The following ANO7 variants were observed in gnomAD, a reference collection of about 807,000 sequenced individuals.
ANO7 encodes anoctamin-7.
Under a neutral mutation model 115.8 loss-of-function variants are expected in ANO7, and 114 were observed. The ratio of observed to expected loss-of-function variants is 0.98; its 90% CI spans 0.85 to 1.15. ANO7 has a LOEUF of 1.15. Among genes scored for constraint, ANO7 ranks in the 50% most tolerant of loss-of-function variants. The pLI, the probability that ANO7 is intolerant of heterozygous loss-of-function variation, is 0.00. For synonymous variants in ANO7, 550 were observed against 498.2 expected, an observed-to-expected ratio of 1.10 and a Z score of -1.38; for missense variants, 1,302 against 1,201.2, an observed-to-expected ratio of 1.08 and a Z score of -1.24.
rs971603955 is a variant in ANO7, at chr2:241,218,962, C to G, written c.2321+581C>G. On this transcript the variant is annotated intron_variant, in intron 21 of 24. Coordinates refer to ENST00000674324, the MANE Select transcript of ANO7 (RefSeq NM_001370694.2). ...TTAATATTATTGTTATTTTAACCGC[C>G]AGGGCCAGGTGGTGGCGCCAAGGTC... Among the ~76,000 whole-genome samples the G allele has an allele frequency of 1.6e-4, 25 of 152,350 alleles. 1 individual carries two copies. The South Asian group carries it at 5.0e-3, about 30-fold the overall frequency.
downstream of ANO7, chr2:241,229,812 G>A (rs1320102841): frequency 6.9e-7 from 1 of 1,450,128 alleles, no homozygotes. Flanking sequence ...GGACCCAGGA[G>A]GGCAGAAGCC....
the ANO7 span, chr2:241,233,730 C>A: frequency 6.8e-7 from 1 of 1,463,740 alleles, no homozygotes; most frequent in Non-Finnish European, 9.4e-7. This position sits in a 1 kb window ranked among gnomAD's most constrained non-coding sequence, Gnocchi z 4.3. Context: ...CCTCGAACCC[C>A]CATCTAGGCA....
chr2:241,232,503 T>G, the ANO7 span, among the ~76,000 whole-genome samples: 3 of 152,186 alleles, frequency 2.0e-5, no homozygotes, highest in African/African-American at 7.2e-5. Flanking sequence ...CTTGAACTCC[T>G]GACCTCAGGG....
At chr2:241,204,209 C>A (rs969620562) in intron 9 of ANO7, among the ~76,000 whole-genome samples, 5 of 152,178 alleles carry the variant, frequency 3.3e-5, no homozygotes, top group African/African-American at 1.2e-4. Flanking sequence ...CACGGCCAGG[C>A]TGGGGGCTTC....
At chr2:241,238,680 T>C in the ANO7 span, 12 of 1,580,954 alleles carry the variant, frequency 7.6e-6, no homozygotes, top group East Asian at 9.1e-5. This position sits in a 1 kb window ranked among gnomAD's most constrained non-coding sequence, Gnocchi z 4.9. Context: ...GGAATTTAAT[T>C]TGAACACTGA....
intron 6 of ANO7, 130 bp downstream of exon 6, chr2:241,200,355 G>C: frequency 2.4e-6 from 3 of 1,260,542 alleles, no homozygotes; most frequent in Non-Finnish European, 3.2e-6. Flanking sequence ...TCTGAGGCCA[G>C]GTGCGCACGC....
At position 241,217,891 on chromosome 2, in the gene ANO7, C is replaced by T. The variant is rs2068874239; in HGVS notation, c.2178C>T (p.Asn726=). 21 of 1,548,770 alleles carry T rather than the reference C, an allele frequency of 1.4e-5. No individual in the cohort carries two copies. Among genetic ancestry groups the T allele is most frequent in the Middle Eastern group, 1.8e-4 (1 of 5,448 alleles). ...TCACGCACCTGGCGGTCATCAGCAA[C>T]GTGAGGCCCGGGCGGGAGCGCGGGG... is the stretch of plus-strand genomic sequence containing the variant. The part of the protein sequence containing the change: ...AGLTHLAVIS[N]AFLLAFSSDF... The change falls in exon 20 of 25, where the codon AAC becomes AAT. Residue 726 remains asparagine, a splice_region_variant and synonymous_variant. Transcript: ENST00000674324.
intron 17 of ANO7, 70 bp from the exon 18 acceptor site, chr2:241,214,735 A>T: frequency 6.9e-7 from 1 of 1,445,922 alleles, no homozygotes; most frequent in Non-Finnish European, 9.5e-7. Context: ...GCCAGCTTTG[A>T]GACAAGAAGG....
rs1425097779 is a variant in ANO7, at chr2:241,217,879, G to A, written c.2166G>A (p.Ala722=). 3 of 1,588,890 alleles carry A rather than the reference G, an allele frequency of 1.9e-6. No homozygotes were observed. The highest frequency in any genetic ancestry group is 1.1e-5 in the South Asian group (1 of 89,142). ...FHILAGLTHL[A]VISNAFLLAF... ...TCCTGGCGGGCCTCACGCACCTGGCGGTCATCAGCAACGTGAGGCCCGGGC... is the reference window on the plus strand; with the variant it reads ...TCCTGGCGGGCCTCACGCACCTGGCAGTCATCAGCAACGTGAGGCCCGGGC... The change falls in exon 20 of 25, where the codon GCG becomes GCA. Residue 722 remains alanine, a synonymous_variant. Transcript: ENST00000674324.
downstream of ANO7, chr2:241,230,690 T>C (rs2069636406): frequency 2.1e-6 from 3 of 1,404,208 alleles, no homozygotes; most frequent in East Asian, 4.7e-5. The surrounding 1 kb of genome is among the most constrained non-coding windows in gnomAD (Gnocchi z 5.0). Flanking sequence ...TGCCCTGCTC[T>C]TTCTTCTGGC....
At position 241,212,201 on chromosome 2, in the gene ANO7, G is replaced by A. The variant is rs1559451674; in HGVS notation, c.1669G>A (p.Gly557Ser). The A allele has an allele frequency of 6.2e-7, 1 of 1,613,562 alleles. No individual in the cohort carries two copies. ...ACCCGTCTACATTGCCTTCTTCAAG[G>A]GCAGGTTGGTGGGCACCTCTCCCTC... ...SSPVYIAFFK[G>S]RFVGYPGNYH... Residue 557 changes from glycine (G) to serine (S), a missense_variant, in exon 16 of 25, where the codon GGC (glycine) becomes AGC (serine). Physicochemically the swap from Gly to Ser is moderately conservative, Grantham distance 56. Coordinates refer to ENST00000674324, the MANE Select transcript of ANO7 (RefSeq NM_001370694.2).
chr2:241,204,491 G>A (rs1166602131), intron 9 of ANO7, among the ~76,000 whole-genome samples: 2 of 152,166 alleles, frequency 1.3e-5, no homozygotes, highest in Admixed American at 6.5e-5. Flanking sequence ...GCTGGAACAC[G>A]GGTGGGCCCA....
chr2:241,221,445 C>G (rs574993332), intron 21 of ANO7, among the ~76,000 whole-genome samples: 2 of 151,938 alleles, frequency 1.3e-5, no homozygotes, highest in South Asian at 4.2e-4. Context: ...GTGGTGTGAT[C>G]TGGGCTCACT....
intron 20 of ANO7, 31 bp from the exon 21 acceptor site, chr2:241,218,208 G>T (rs1288871064): frequency 7.4e-7 from 1 of 1,353,396 alleles, no homozygotes; most frequent in African/African-American, 1.5e-5. Context: ...CGGAGCGGGG[G>T]CCGCCTCGCG....
At chr2:241,218,551 T>A (rs1036148452) in intron 21 of ANO7, among the ~76,000 whole-genome samples, 170 bp downstream of exon 21, 1 of 150,896 alleles carries the variant, frequency 6.6e-6, no homozygotes, top group African/African-American at 2.4e-5. Context: ...TGGGGGGAGG[T>A]TCCCCGCGGT....
At chr2:241,230,533 G>A (rs1301033929), downstream of ANO7, among the ~76,000 whole-genome samples, 1 of 152,214 alleles carries the variant, frequency 6.6e-6, no homozygotes. The surrounding 1 kb of genome is among the most constrained non-coding windows in gnomAD (Gnocchi z 5.0). Context: ...AGCTCGCCAG[G>A]CAGCTGTCAA....
intron 1 of ANO7, among the ~76,000 whole-genome samples, chr2:241,189,125 G>A (rs1454706651): frequency 6.6e-6 from 1 of 152,162 alleles, no homozygotes; most frequent in Non-Finnish European, 1.5e-5. Flanking sequence ...CTGCTGGGTG[G>A]CCGAAACTCC....
rs1449475517 is a variant in ANO7, at chr2:241,218,425, C to G, written c.2321+44C>G. The G allele has an allele frequency of 2.4e-6, 3 of 1,224,538 alleles. No homozygotes were observed. The South Asian group carries it at 7.4e-5, about 30-fold the overall frequency. 75.9% of individuals were successfully genotyped at this position (1,224,538 alleles called of 1,614,324 possible). ...GGAGGGGGCCGCGGGCGCACGAGGA[C>G]GAGGCGGAGCGGGGCTCGGGTGGGG... On this transcript the variant is annotated intron_variant, in intron 21 of 24. Transcript: ENST00000674324.
chr2:241,238,534 TAGATGGTTTTCCAGCAG>T, the ANO7 span: 7 of 839,074 alleles, frequency 8.3e-6, no homozygotes, highest in African/African-American at 8.6e-5. The surrounding 1 kb of genome is among the most constrained non-coding windows in gnomAD (Gnocchi z 4.9). Flanking sequence ...CCAGAATACA[TAGATGGTTTTCCAGCAG>T]AGACAGGAAA....
Sources: gnomAD v4.1 joint callset for allele counts (sites outside exome capture counted in the v4.1 genomes callset) on GRCh38, gnomAD v4.1.1 for gene constraint, Gnocchi (gnomAD v3.1) non-coding constraint, MANE v1.5 for transcripts, NCBI Gene and HGNC (gene_info 2026-07-23, HGNC 2026-07-21) for gene names.